Variants in CRYZL1 observed in about 807,000 individuals in gnomAD.
The protein encoded by CRYZL1 is ferry endosomal RAB5 effector complex subunit 4.
Under a neutral mutation model 50.6 loss-of-function variants are expected in CRYZL1, and 34 were observed. The observed-to-expected ratio is 0.67, with a 90% CI of 0.51 to 0.89. The LOEUF is 0.89. Ranked by LOEUF, CRYZL1 falls within the 40% of genes least tolerant of loss-of-function variation. The probability of loss-of-function intolerance (pLI) is 0.00; values close to 1 mark genes in which losing one functional copy is unlikely to be tolerated. For synonymous variants in CRYZL1, 125 were observed against 134.3 expected (o/e 0.93, Z 0.48); for missense variants, 354 against 402.3 (o/e 0.88, Z 1.03).
chr21:33,606,155 T>C (rs2086812837), intron 6 of CRYZL1, among the ~76,000 whole-genome samples: 1 of 152,214 alleles, frequency 6.6e-6, no homozygotes, highest in Non-Finnish European at 1.5e-5. Context: ...TTCAGGGTAA[T>C]TGATTAATTT....
chr21:33,593,693 A>G (rs1008779749), intron 11 of CRYZL1, among the ~76,000 whole-genome samples: 3 of 152,166 alleles, frequency 2.0e-5, no homozygotes, highest in Non-Finnish European at 2.9e-5. Flanking sequence ...TTCAAAACTA[A>G]TAGCTACAGC....
At chr21:33,641,436 G>A (rs1374545001) in intron 1 of CRYZL1, 1 of 1,155,886 alleles carries the variant, frequency 8.7e-7, no homozygotes, top group Non-Finnish European at 1.2e-6. Context: ...AGTAGAGGGA[G>A]ATGCAAACTG....
Position 33,594,156 on chromosome 21 carries a change from C to CT in CRYZL1, c.904+1574dup, listed in dbSNP as rs755337244. ...ACAATGTTATTGGATTGGACATTTA[C>CT]TTTTTTTTTTTTTTTTGAGACAGAG... On this transcript the variant is annotated intron_variant, in intron 11 of 12. Coordinates refer to ENST00000381554, the MANE Select transcript of CRYZL1 (RefSeq NM_145858.3). 2.7e-3 allele frequency among the ~76,000 whole-genome samples: 369 copies of CT among 138,358 alleles called. 2 individuals carry two copies. The highest frequency in any genetic ancestry group is 6.1e-3 in the East Asian group (29 of 4,782). 90.8% of individuals were successfully genotyped at this position (138,358 alleles called of 152,430 possible).
chr21:33,616,082 C>T (rs550285574), intron 5 of CRYZL1, among the ~76,000 whole-genome samples: 26 of 152,150 alleles, frequency 1.7e-4, no homozygotes, highest in Middle Eastern at 3.4e-3. Context: ...CCCTCCCCCC[C>T]CCAACCCCAC....
chr21:33,597,944 ATAT>A (rs967625118), intron 9 of CRYZL1, among the ~76,000 whole-genome samples: 1 of 152,332 alleles, frequency 6.6e-6, no homozygotes, highest in Non-Finnish European at 1.5e-5. Flanking sequence ...AAATGAGGAA[ATAT>A]TTTTCTTAGA....
chr21:33,613,268 GA>G (rs1569087514), intron 6 of CRYZL1, among the ~76,000 whole-genome samples: 2 of 152,162 alleles, frequency 1.3e-5, no homozygotes, highest in African/African-American at 2.4e-5. Flanking sequence ...AGCCAAGAGA[GA>G]AATCACTTTT....
chr21:33,595,777 A>G lies in CRYZL1; in HGVS notation c.858T>C (p.Asn286=). The change falls in exon 11 of 13, where the codon AAT becomes AAC. Residue 286 remains asparagine, a synonymous_variant. Transcript: ENST00000381554. ...CATTTGACAAATTCCAAACTTCATC[A>G]TTCAGGAAAGCTAACGTTGCTCCCT... is the stretch of plus-strand genomic sequence containing the variant. The part of the protein sequence containing the change: ...FLKGATLAFL[N]DEVWNLSNVQ... The G allele has an allele frequency of 1.2e-6, 2 of 1,614,146 alleles. No homozygotes were observed. Among genetic ancestry groups the G allele is most frequent in the South Asian group, 1.1e-5 (1 of 91,090 alleles).
intron 10 of CRYZL1, chr21:33,596,261 G>A: frequency 2.4e-6 from 1 of 410,586 alleles, no homozygotes; most frequent in South Asian, 1.8e-5. Context: ...TGAATAATTA[G>A]GAAATTGTGA....
rs985744609 is a variant in CRYZL1, at chr21:33,591,089, G to A, written c.950+73C>T. ...GTACATGGCGAGAGCTAAAACAAAA[G>A]TGGGACTGCCTGCCTTAGCTCCCTG... On this transcript the variant is annotated intron_variant, in intron 12 of 12. Transcript: ENST00000381554. 2.8e-6 allele frequency: 3 copies of A among 1,068,128 alleles called. No homozygotes were observed. In the African/African-American group the frequency reaches 4.7e-5, roughly 17 times the overall value. The allele number at this position is 1,068,128 out of a possible 1,614,324, so 66.2% of individuals were successfully genotyped here.
intron 1 of CRYZL1, among the ~76,000 whole-genome samples, chr21:33,631,889 A>T (rs2087141560): frequency 6.6e-6 from 1 of 152,186 alleles, no homozygotes. Flanking sequence ...CTTTTATTAA[A>T]TTTTCCTTTA....
chr21:33,603,224 A>C, intron 7 of CRYZL1, 180 bp downstream of exon 7: 1 of 646,060 alleles, frequency 1.5e-6, no homozygotes, highest in Non-Finnish European at 2.6e-6. Flanking sequence ...AATCACACTA[A>C]ATCTAACTTT....
chr21:33,619,757 A>G (rs1372452217), intron 4 of CRYZL1, among the ~76,000 whole-genome samples: 1 of 152,128 alleles, frequency 6.6e-6, no homozygotes, highest in Admixed American at 6.6e-5. Context: ...CCTGCCCAGG[A>G]CTTTATCTTG....
chr21:33,630,929 G>A (rs1029627567), intron 2 of CRYZL1, among the ~76,000 whole-genome samples: 3 of 152,154 alleles, frequency 2.0e-5, no homozygotes, highest in Non-Finnish European at 2.9e-5. Context: ...ACTCAAATAT[G>A]GAATCTAAGA....
intron 6 of CRYZL1, among the ~76,000 whole-genome samples, 199 bp downstream of exon 6, chr21:33,613,339 G>A (rs2086892961): frequency 1.3e-5 from 2 of 152,154 alleles, no homozygotes; most frequent in African/African-American, 4.8e-5. Flanking sequence ...TGTTTAGTCT[G>A]AATATGAATT....
chr21:33,614,823 G>A (rs990358958), intron 5 of CRYZL1, among the ~76,000 whole-genome samples: 1 of 152,100 alleles, frequency 6.6e-6, no homozygotes, highest in African/African-American at 2.4e-5. Context: ...ACCCACCTCA[G>A]CCTCTCAAAG....
chr21:33,616,160 T>C (rs1247894851), intron 5 of CRYZL1: 2 of 152,186 alleles, frequency 1.3e-5, no homozygotes, highest in Non-Finnish European at 1.5e-5. Flanking sequence ...TTCCCACCTA[T>C]GAGTGAGAAT....
At chr21:33,616,408 T>A (rs2086932674) in intron 5 of CRYZL1, 1 of 248,504 alleles carries the variant, frequency 4.0e-6, no homozygotes, top group African/African-American at 2.3e-5. Context: ...TTTTCCTGCC[T>A]CAGCCTCCTG....
intron 11 of CRYZL1, among the ~76,000 whole-genome samples, chr21:33,593,690 C>CATAT (rs1319746114): frequency 2.0e-5 from 3 of 152,078 alleles, no homozygotes; most frequent in Non-Finnish European, 2.9e-5. Context: ...AGATTCAAAA[C>CATAT]TAATAGCTAC....
chr21:33,605,766 T>A (rs1478932463), intron 6 of CRYZL1, among the ~76,000 whole-genome samples: 1 of 151,858 alleles, frequency 6.6e-6, no homozygotes, highest in Non-Finnish European at 1.5e-5. Flanking sequence ...TCAGGTGATC[T>A]GCCTACCTTG....
Sources: allele counts gnomAD v4.1 joint callset (sites outside exome capture counted in the v4.1 genomes callset), GRCh38; gene constraint gnomAD v4.1.1; transcripts MANE v1.5; gene names NCBI Gene and HGNC (gene_info 2026-07-23, HGNC 2026-07-21).